The following LSS variants were observed in gnomAD, a reference collection of about 807,000 sequenced individuals.
LSS encodes 2,3-epoxysqualene-lanosterol cyclase.
A neutral mutation model predicts 110.3 loss-of-function variants in LSS; 90 were observed. The observed-to-expected ratio is 0.82, with a 90% CI of 0.69 to 0.97. The LOEUF (loss-of-function observed/expected upper bound fraction) is 0.97. LSS is among the 50% of genes least tolerant of loss of function. The pLI is 0.00. For missense variants in LSS, 927 were observed against 990.0 expected, an observed-to-expected ratio of 0.94 and a Z score of 0.85; for synonymous variants, 433 against 400.0, an observed-to-expected ratio of 1.08 and a Z score of -0.98.
chr21:46,193,778 G>A lies in LSS; in HGVS notation c.1988+713C>T, dbSNP rs758302252. On this transcript the variant is annotated intron_variant, in intron 20 of 21. Transcript: ENST00000397728. Reference sequence around the variant, plus strand: ...TGTGCATCTGTCTCCATGTACCTACGTCTGTGTGTGGCACAGATGGGATCC... The same window carrying A: ...TGTGCATCTGTCTCCATGTACCTACATCTGTGTGTGGCACAGATGGGATCC... 3.1e-4 allele frequency: 125 copies of A among 403,648 alleles called. No homozygotes were observed. In the Middle Eastern group the frequency reaches 3.4e-3, roughly 11 times the overall value. The allele number at this position is 403,648 out of a possible 1,614,324, so 25.0% of individuals were successfully genotyped here.
chr21:46,205,631 A>G lies in LSS; in HGVS notation c.1670+205T>C, dbSNP rs540834218. Reference sequence around the variant, plus strand: ...GAGAGAGAAAATCCATTTTTGTATCATAACTGTGCTATTCTGAGCCCCTAA... The same window carrying G: ...GAGAGAGAAAATCCATTTTTGTATCGTAACTGTGCTATTCTGAGCCCCTAA... On this transcript the variant is annotated intron_variant, in intron 17 of 21. Coordinates refer to ENST00000397728, the MANE Select transcript of LSS (RefSeq NM_002340.6). 3.3e-4 allele frequency among the ~76,000 whole-genome samples: 50 copies of G among 152,352 alleles called. 1 individual carries two copies. In the South Asian group the frequency reaches 9.5e-3, roughly 29 times the overall value.
At position 46,221,990 on chromosome 21, in the gene LSS, G is replaced by C; in HGVS notation, c.429-15C>G. On this transcript the variant is annotated splice_polypyrimidine_tract_variant and intron_variant, in intron 4 of 21. Transcript: ENST00000397728. ...CCTCAATGTGCCTACAGGAGCAGAG[G>C]ACAGGTGAGAAACCGGTATCTGTCC... The C allele has an allele frequency of 6.2e-7, 1 of 1,613,976 alleles. No homozygotes were observed. The highest frequency in any genetic ancestry group is 8.5e-7 in the Non-Finnish European group (1 of 1,179,920).
chr21:46,206,539 C>T (rs371861763), intron 16 of LSS, 133 bp downstream of exon 16: 43 of 746,550 alleles, frequency 5.8e-5, no homozygotes, highest in East Asian at 4.4e-4. Context: ...TGAGGGAGGG[C>T]TCCAGACAGA....
chr21:46,197,717 G>A (rs945106659), intron 17 of LSS, among the ~76,000 whole-genome samples: 1 of 152,104 alleles, frequency 6.6e-6, no homozygotes, highest in Non-Finnish European at 1.5e-5. Context: ...GTGAAACCCC[G>A]TCTCTACTAA....
Position 46,188,540 on chromosome 21 carries a change from T to G in LSS, c.*2564A>C. On this transcript the variant is annotated 3_prime_UTR_variant, in exon 22 of 22. Coordinates refer to ENST00000397728, the MANE Select transcript of LSS (RefSeq NM_002340.6). ...CTGCCATCTCCTCTTGGTGGTGTCC[T>G]TTGTCAAGAGCATGTCAGGGTGATG... 2.3e-6 allele frequency: 1 copy of G among 438,524 alleles called. No homozygotes were observed. Among genetic ancestry groups the G allele is most frequent in the Non-Finnish European group, 4.7e-6 (1 of 213,022 alleles). The allele number at this position is 438,524 out of a possible 1,614,324, so 27.2% of individuals were successfully genotyped here.
At chr21:46,221,708 G>C in intron 5 of LSS, 146 bp downstream of exon 5, 1 of 1,193,806 alleles carries the variant, frequency 8.4e-7, no homozygotes, top group Non-Finnish European at 1.2e-6. Context: ...AACAGTGTCT[G>C]CCTACTTCTG....
chr21:46,194,615 G>C lies in LSS; in HGVS notation c.1864C>G (p.Arg622Gly), dbSNP rs577535551. The C allele has an allele frequency of 2.5e-6, 4 of 1,613,546 alleles. No individual in the cohort carries two copies. The South Asian group carries it at 3.3e-5, about 13-fold the overall frequency. The stretch of plus-strand genomic sequence containing the variant: ...CCCCAGCCTCCGTCTGCCATCTGCC[G>C]GGACAGCAGGAAGTCACAGGCCCGG... ...VSRACDFLLSRQMADGGWGED... is the reference protein window; with the variant it reads ...VSRACDFLLSGQMADGGWGED... The change falls in exon 20 of 22, where the codon CGG (arginine) becomes GGG (glycine). Residue 622 changes from arginine (R) to glycine (G), a missense_variant. Coordinates refer to ENST00000397728, the MANE Select transcript of LSS (RefSeq NM_002340.6).
chr21:46,189,760 G>T lies in LSS; in HGVS notation c.*1344C>A. 2.2e-6 allele frequency: 1 copy of T among 457,232 alleles called. No homozygotes were observed. The highest frequency in any genetic ancestry group is 1.6e-5 in the South Asian group (1 of 64,514). 28.3% of individuals were successfully genotyped at this position (457,232 alleles called of 1,614,324 possible). ...GAAGGCGGCAGGGAGGGGAAGAGCA[G>T]ATAAGGAGGTATAGGGTGTGCCCTG... On this transcript the variant is annotated 3_prime_UTR_variant, in exon 22 of 22. Coordinates refer to ENST00000397728, the MANE Select transcript of LSS (RefSeq NM_002340.6).
intron 6 of LSS, among the ~76,000 whole-genome samples, chr21:46,217,594 G>A (rs142541058): frequency 1.1e-4 from 17 of 152,224 alleles, no homozygotes; most frequent in South Asian, 6.2e-4. Flanking sequence ...TTCGCAGCTG[G>A]AGTGGTTCAG....
At position 46,190,851 on chromosome 21, in the gene LSS, G is replaced by A. The variant is rs543088597; in HGVS notation, c.*253C>T. 6 of 509,682 alleles carry A rather than the reference G, an allele frequency of 1.2e-5. No individual in the cohort carries two copies. The highest frequency in any genetic ancestry group is 6.2e-5 in the East Asian group (2 of 32,200). 31.6% of individuals were successfully genotyped at this position (509,682 alleles called of 1,614,324 possible). A position where few individuals can be genotyped will look rare whatever the true frequency, so the allele number is the denominator to read the frequency against. ...GGCGCTGTGCCTCCTCAGGGGTCACGGCTCCTGTGCCCCCTTCCTCACCCA... is the reference window on the plus strand; with the variant it reads ...GGCGCTGTGCCTCCTCAGGGGTCACAGCTCCTGTGCCCCCTTCCTCACCCA... On this transcript the variant is annotated 3_prime_UTR_variant, in exon 22 of 22. Coordinates refer to ENST00000397728, the MANE Select transcript of LSS (RefSeq NM_002340.6). The surrounding 1 kb of genome is among the most constrained non-coding windows in gnomAD (Gnocchi z 4.6).
At chr21:46,215,398 T>A in intron 8 of LSS, 100 bp from the exon 9 acceptor site, 2 of 763,036 alleles carry the variant, frequency 2.6e-6, no homozygotes, top group South Asian at 3.4e-5. Flanking sequence ...TCCCAGGGTT[T>A]CCCCCTCCCA....
chr21:46,205,031 A>C (rs1239810002), intron 17 of LSS, among the ~76,000 whole-genome samples: 2 of 152,208 alleles, frequency 1.3e-5, no homozygotes, highest in Non-Finnish European at 1.5e-5. Flanking sequence ...GATAAAGAAG[A>C]ACCTACAAAA....
At chr21:46,194,871 G>GA (rs1470097972) in intron 19 of LSS, among the ~76,000 whole-genome samples, 1 of 152,260 alleles carries the variant, frequency 6.6e-6, no homozygotes, top group Non-Finnish European at 1.5e-5. Flanking sequence ...GAGTCGCTGG[G>GA]AAGACAAAGG....
intron 13 of LSS, 110 bp from the exon 14 acceptor site, chr21:46,208,411 C>T (rs1382304221): frequency 2.0e-6 from 2 of 991,354 alleles, no homozygotes; most frequent in African/African-American, 1.6e-5. Flanking sequence ...GCAGAACGTG[C>T]CTGGGAGCTT....
At position 46,206,693 on chromosome 21, in the gene LSS, G is replaced by C. The variant is rs772829322; in HGVS notation, c.1543C>G (p.Leu515Val). Residue 515 changes from leucine (L) to valine (V), a missense_variant, in exon 16 of 22, where the codon CTG becomes GTG. Coordinates refer to ENST00000397728, the MANE Select transcript of LSS (RefSeq NM_002340.6). ...TKRGGHLLEL[L>V]NPSEVFGDIM... ...TCACCGAAGACCTCCGAGGGGTTCA[G>C]CAGCTCCAGCAAGTGCCCCCCACGC... The C allele has an allele frequency of 6.2e-6, 10 of 1,612,768 alleles. No individual in the cohort carries two copies. In the African/African-American group the frequency reaches 1.3e-4, roughly 22 times the overall value.
At chr21:46,217,267 A>T (rs1000293730) in intron 6 of LSS, among the ~76,000 whole-genome samples, 6 of 145,330 alleles carry the variant, frequency 4.1e-5, no homozygotes, top group South Asian at 2.2e-4. Flanking sequence ...AGAAAAGAAA[A>T]AGAAAGAAAA....
At chr21:46,214,436 T>A (rs1195848831) in intron 9 of LSS, among the ~76,000 whole-genome samples, 1 of 152,206 alleles carries the variant, frequency 6.6e-6, no homozygotes, top group Non-Finnish European at 1.5e-5. Context: ...GCAGGGTCAG[T>A]CAGGATTTGT....
Position 46,204,320 on chromosome 21 carries a change from A to C in LSS, c.1670+1516T>G, listed in dbSNP as rs1048772183. Among the ~76,000 whole-genome samples, 5 of 152,118 alleles carry C rather than the reference A, an allele frequency of 3.3e-5. No individual in the cohort carries two copies. In the South Asian group the frequency reaches 6.2e-4, roughly 19 times the overall value. ...AAAAAAATTAAGAAAGAAAGAAAAT[A>C]ACAAACAATAGAAATTGATGAAACC... On this transcript the variant is annotated intron_variant, in intron 17 of 21. Coordinates refer to ENST00000397728, the MANE Select transcript of LSS (RefSeq NM_002340.6).
In LSS at chr21:46,195,657, A is replaced by G; in HGVS notation, c.1817+19T>C. The G allele has an allele frequency of 6.2e-7, 1 of 1,610,790 alleles. No individual in the cohort carries two copies. The highest frequency in any genetic ancestry group is 8.5e-7 in the Non-Finnish European group (1 of 1,177,250). On this transcript the variant is annotated intron_variant, in intron 19 of 21. Coordinates refer to ENST00000397728, the MANE Select transcript of LSS (RefSeq NM_002340.6). ...TGGGTTGAGAACCCCCACCCACCAGAGGACAGGCACTCACTCACCCATCTC... is the reference window on the plus strand; with the variant it reads ...TGGGTTGAGAACCCCCACCCACCAGGGGACAGGCACTCACTCACCCATCTC...
Sources: allele counts gnomAD v4.1 joint callset (sites outside exome capture counted in the v4.1 genomes callset), GRCh38; gene constraint gnomAD v4.1.1; non-coding constraint Gnocchi (gnomAD v3.1); transcripts MANE v1.5; gene names NCBI Gene and HGNC (gene_info 2026-07-23, HGNC 2026-07-21).